ENTHD1: variants seen among roughly 807,000 people sequenced by gnomAD.
ENTHD1 encodes ENTH domain containing 1.
In ENTHD1, 23 loss-of-function variants were observed where a neutral mutation model predicts 39.1. That is an observed-to-expected ratio of 0.59 (90% CI 0.42 to 0.83). ENTHD1 has a LOEUF of 0.83. ENTHD1 is among the 40% of genes least tolerant of loss of function. The pLI, the probability that ENTHD1 is intolerant of heterozygous loss-of-function variation, is 0.00. For missense variants in ENTHD1, 624 were observed against 705.4 expected, an observed-to-expected ratio of 0.88 and a Z score of 1.31; for synonymous variants, 230 against 258.2, an observed-to-expected ratio of 0.89 and a Z score of 1.05.
chr22:39,833,080 T>G (rs1455790850), intron 4 of ENTHD1, among the ~76,000 whole-genome samples: 1 of 152,148 alleles, frequency 6.6e-6, no homozygotes, highest in African/African-American at 2.4e-5. Flanking sequence ...GGTGGGCATG[T>G]GGTTTGCAAT....
chr22:39,839,217 T>A (rs1325574855), intron 3 of ENTHD1, among the ~76,000 whole-genome samples: 1 of 152,158 alleles, frequency 6.6e-6, no homozygotes, highest in East Asian at 1.9e-4. Context: ...AGCGGTAATA[T>A]AAGGCACAGT....
chr22:39,822,023 C>G (rs779221789), intron 4 of ENTHD1, among the ~76,000 whole-genome samples: 1 of 152,184 alleles, frequency 6.6e-6, no homozygotes, highest in Non-Finnish European at 1.5e-5. Context: ...ACAGCAATCT[C>G]TAACTGATAA....
intron 3 of ENTHD1, among the ~76,000 whole-genome samples, chr22:39,857,938 G>T (rs1438499110): frequency 6.6e-6 from 1 of 152,160 alleles, no homozygotes; most frequent in Non-Finnish European, 1.5e-5. Context: ...CATGTTGAGG[G>T]CTGCTGATAG....
chr22:39,837,600 A>G (rs2065915739), intron 3 of ENTHD1, among the ~76,000 whole-genome samples: 1 of 152,242 alleles, frequency 6.6e-6, no homozygotes, highest in Non-Finnish European at 1.5e-5. Context: ...CATGGCATAA[A>G]TAACAAGGTA....
At chr22:39,771,689 A>G (rs2065326437) in intron 5 of ENTHD1, among the ~76,000 whole-genome samples, 1 of 151,746 alleles carries the variant, frequency 6.6e-6, no homozygotes, top group Admixed American at 6.6e-5. Flanking sequence ...GAATGACACC[A>G]TTTTTTTTAA....
At chr22:39,888,911 A>C (rs1456878866) in intron 1 of ENTHD1, among the ~76,000 whole-genome samples, 1 of 152,136 alleles carries the variant, frequency 6.6e-6, no homozygotes, top group Non-Finnish European at 1.5e-5. Flanking sequence ...AATGGGGGTA[A>C]AATTGAGTCT....
chr22:39,854,667 C>T (rs2066070833), intron 3 of ENTHD1, among the ~76,000 whole-genome samples: 1 of 151,582 alleles, frequency 6.6e-6, no homozygotes, highest in South Asian at 2.1e-4. Context: ...CCCAGGCTAT[C>T]TACTAGAATT....
intron 5 of ENTHD1, among the ~76,000 whole-genome samples, chr22:39,773,444 C>G (rs1366742024): frequency 6.6e-6 from 1 of 152,228 alleles, no homozygotes; most frequent in South Asian, 2.1e-4. Context: ...GTTCTCTGGA[C>G]ACAATGGAAT....
At chr22:39,786,645 C>T (rs2146594032) in intron 5 of ENTHD1, among the ~76,000 whole-genome samples, 1 of 152,086 alleles carries the variant, frequency 6.6e-6, no homozygotes, top group South Asian at 2.1e-4. Flanking sequence ...ATCTCCAGGA[C>T]ATGTTCATCT....
chr22:39,816,890 G>T (rs2065737820), intron 5 of ENTHD1, among the ~76,000 whole-genome samples: 2 of 150,864 alleles, frequency 1.3e-5, no homozygotes, highest in South Asian at 4.2e-4. Flanking sequence ...GAAAGAATCA[G>T]ATATCTATGT....
rs1897430662 is a variant in ENTHD1, at chr22:39,867,859, A to G, written c.350-5852T>C. On this transcript the variant is annotated intron_variant, in intron 2 of 6. Coordinates refer to ENST00000325157, the MANE Select transcript of ENTHD1 (RefSeq NM_152512.4). This position sits in a 1 kb window ranked among gnomAD's most constrained non-coding sequence, Gnocchi z 4.5. Reference sequence around the variant, plus strand: ...ATGCTTCAAAGTATCCCCCTGTTCTATTCCAAATACACAGCAATAATAGAC... The same window carrying G: ...ATGCTTCAAAGTATCCCCCTGTTCTGTTCCAAATACACAGCAATAATAGAC... Among the ~76,000 whole-genome samples, 1 of 152,104 alleles carries G rather than the reference A, an allele frequency of 6.6e-6. No homozygotes were observed. The highest frequency in any genetic ancestry group is 2.4e-5 in the African/African-American group (1 of 41,424).
At chr22:39,745,163 C>T (rs950148003) in intron 6 of ENTHD1, among the ~76,000 whole-genome samples, 2 of 152,164 alleles carry the variant, frequency 1.3e-5, no homozygotes, top group Non-Finnish European at 2.9e-5. Context: ...GTAATTTATT[C>T]AAGTGTCTTC....
At chr22:39,869,701 T>C (rs1384237787) in intron 2 of ENTHD1, among the ~76,000 whole-genome samples, 1 of 151,234 alleles carries the variant, frequency 6.6e-6, no homozygotes, top group Non-Finnish European at 1.5e-5. Flanking sequence ...AATGTTTCTA[T>C]AGGATCTTCT....
intron 6 of ENTHD1, among the ~76,000 whole-genome samples, chr22:39,751,470 A>G (rs1016733956): frequency 6.6e-5 from 10 of 152,244 alleles, no homozygotes; most frequent in Non-Finnish European, 5.9e-5. Flanking sequence ...GTTTTGGAAG[A>G]TCCAGCAATC....
At position 39,778,165 on chromosome 22, in the gene ENTHD1, G is replaced by T. The variant is rs74676398; in HGVS notation, c.833-12556C>A. Among the ~76,000 whole-genome samples the T allele has an allele frequency of 4.6e-5, 7 of 152,276 alleles. No homozygotes were observed. In the South Asian group the frequency reaches 1.0e-3, roughly 23 times the overall value. ...CAAACTCTATTTAGTCATGGTTATTGGTATCATGAAACAGTCTGAAGAAGT... is the reference window on the plus strand; with the variant it reads ...CAAACTCTATTTAGTCATGGTTATTTGTATCATGAAACAGTCTGAAGAAGT... On this transcript the variant is annotated intron_variant, in intron 5 of 6. Transcript: ENST00000325157.
chr22:39,833,105 C>G (rs2065882782), intron 4 of ENTHD1, among the ~76,000 whole-genome samples: 1 of 152,062 alleles, frequency 6.6e-6, no homozygotes, highest in South Asian at 2.1e-4. Flanking sequence ...GAAGTGTCTC[C>G]CCCTAAGGCT....
intron 6 of ENTHD1, among the ~76,000 whole-genome samples, chr22:39,746,551 A>T (rs1180174394): frequency 6.6e-6 from 1 of 152,230 alleles, no homozygotes; most frequent in Non-Finnish European, 1.5e-5. Context: ...GTGGAGGATT[A>T]AAAGTTGAAA....
intron 5 of ENTHD1, among the ~76,000 whole-genome samples, chr22:39,774,185 T>C (rs2065349627): frequency 6.6e-6 from 1 of 152,220 alleles, no homozygotes; most frequent in Non-Finnish European, 1.5e-5. Context: ...CGAACTTTGC[T>C]GGCTCTCCTC....
At chr22:39,892,652 C>T (rs1192646962) in intron 1 of ENTHD1, among the ~76,000 whole-genome samples, 2 of 151,886 alleles carry the variant, frequency 1.3e-5, no homozygotes, top group Non-Finnish European at 2.9e-5. Context: ...GCTGAACTGA[C>T]TTTATCCAAA....
Sources: gnomAD v4.1 joint callset for allele counts (sites outside exome capture counted in the v4.1 genomes callset) on GRCh38, gnomAD v4.1.1 for gene constraint, Gnocchi (gnomAD v3.1) non-coding constraint, MANE v1.5 for transcripts, NCBI Gene and HGNC (gene_info 2026-07-23, HGNC 2026-07-21) for gene names.